HERPUD2: variants seen among roughly 807,000 people sequenced by gnomAD.
HERPUD2 encodes the protein HERPUD family member 2, also known as homocysteine-responsive endoplasmic reticulum-resident ubiquitin-like domain member 2 protein.
A neutral mutation model predicts 49.9 loss-of-function variants in HERPUD2; 13 were observed. That is an observed-to-expected ratio of 0.26 (90% confidence interval 0.17 to 0.41). HERPUD2 has a LOEUF of 0.41. Ranked by LOEUF, HERPUD2 falls within the 10% of genes least tolerant of loss-of-function variation. The pLI is 1.00. For synonymous variants in HERPUD2, 172 were observed against 171.4 expected (o/e 1.00, Z -0.03); for missense variants, 449 against 492.2 (o/e 0.91, Z 0.83).
chr7:35,657,394 C>T (rs892335572), intron 5 of HERPUD2, among the ~76,000 whole-genome samples: 9 of 152,130 alleles, frequency 5.9e-5, no homozygotes, highest in Non-Finnish European at 1.0e-4. Context: ...AAAGGGACCT[C>T]TTATACACTG....
At chr7:35,642,452 T>C (rs538337675) in intron 5 of HERPUD2, among the ~76,000 whole-genome samples, 16 of 152,300 alleles carry the variant, frequency 1.1e-4, no homozygotes, top group Non-Finnish European at 1.6e-4. Flanking sequence ...AGCAATTCCA[T>C]TACTGGGTAT....
chr7:35,642,795 C>T (rs1421441234), intron 5 of HERPUD2, among the ~76,000 whole-genome samples: 1 of 152,088 alleles, frequency 6.6e-6, no homozygotes, highest in African/African-American at 2.4e-5. Flanking sequence ...ACAGACACTT[C>T]AGCGTACTTG....
At chr7:35,669,385 CCT>C (rs1199888586) in intron 4 of HERPUD2, among the ~76,000 whole-genome samples, 1 of 152,158 alleles carries the variant, frequency 6.6e-6, no homozygotes, top group Non-Finnish European at 1.5e-5. Flanking sequence ...AGCTCCCACC[CCT>C]GTCACTTGTG....
chr7:35,673,614 G>A (rs1785689547), intron 2 of HERPUD2, among the ~76,000 whole-genome samples: 1 of 152,128 alleles, frequency 6.6e-6, no homozygotes, highest in Admixed American at 6.5e-5. Flanking sequence ...AAATCTTCAA[G>A]ACTATATAAA....
intron 5 of HERPUD2, among the ~76,000 whole-genome samples, chr7:35,656,462 A>T (rs1407967880): frequency 6.6e-6 from 1 of 152,134 alleles, no homozygotes; most frequent in African/African-American, 2.4e-5. Flanking sequence ...ATTAGAAAAA[A>T]AATCCTAAAA....
intron 2 of HERPUD2, among the ~76,000 whole-genome samples, chr7:35,688,667 G>A (rs1377283242): frequency 6.6e-6 from 1 of 152,228 alleles, no homozygotes; most frequent in Non-Finnish European, 1.5e-5. Flanking sequence ...TTTATCTACA[G>A]CCTTTAGACA....
intron 2 of HERPUD2, among the ~76,000 whole-genome samples, chr7:35,685,605 C>T (rs1786021843): frequency 6.6e-6 from 1 of 152,008 alleles, no homozygotes; most frequent in Non-Finnish European, 1.5e-5. Context: ...AGATTACAGG[C>T]ATGAGCCACT....
chr7:35,670,528 G>A (rs533273579), intron 3 of HERPUD2, among the ~76,000 whole-genome samples, 200 bp from the exon 4 acceptor site: 1 of 151,712 alleles, frequency 6.6e-6, no homozygotes, highest in African/African-American at 2.4e-5. Context: ...TCCATACTTG[G>A]AAAATGATCT....
chr7:35,638,470 T>A lies in HERPUD2; in HGVS notation c.497A>T (p.Asn166Ile), dbSNP rs1470004121. 6 of 1,611,826 alleles carry A rather than the reference T, an allele frequency of 3.7e-6. No homozygotes were observed. The South Asian group carries it at 6.6e-5, about 18-fold the overall frequency. Residue 166 changes from asparagine to isoleucine, a missense_variant and splice_region_variant, in exon 6 of 9, where the codon AAT (asparagine) becomes ATT (isoleucine). Transcript: ENST00000311350. ...SHQFPYVMQGNVDNQFPGQAA... is the reference protein window; with the variant it reads ...SHQFPYVMQGIVDNQFPGQAA... The stretch of plus-strand genomic sequence containing the variant: ...TTGCCCAGGAAATTGGTTGTCTACA[T>A]TTCTGCAAGAAATAAATAATGAGCT...
chr7:35,637,332 G>T (rs1784888682), intron 6 of HERPUD2, among the ~76,000 whole-genome samples: 1 of 152,118 alleles, frequency 6.6e-6, no homozygotes, highest in South Asian at 2.1e-4. Context: ...GTAGCATATG[G>T]GGAAGGACAA....
intron 2 of HERPUD2, among the ~76,000 whole-genome samples, chr7:35,675,594 T>C (rs1785744510): frequency 6.6e-6 from 1 of 152,134 alleles, no homozygotes; most frequent in Admixed American, 6.5e-5. Flanking sequence ...ATTTTTTTCC[T>C]TTATAAAAAT....
At chr7:35,675,769 A>T (rs556781432) in intron 2 of HERPUD2, among the ~76,000 whole-genome samples, 54 of 151,374 alleles carry the variant, frequency 3.6e-4, no homozygotes, top group Middle Eastern at 3.4e-3. Context: ...TCTTTTTTTT[A>T]AAAAAATGTA....
At chr7:35,692,795 T>G (rs1786221066) in intron 2 of HERPUD2, among the ~76,000 whole-genome samples, 3 of 152,206 alleles carry the variant, frequency 2.0e-5, no homozygotes. Flanking sequence ...TAACTAAACT[T>G]AATACTACAA....
At chr7:35,693,915 T>C (rs1786251991) in intron 2 of HERPUD2, among the ~76,000 whole-genome samples, 1 of 152,132 alleles carries the variant, frequency 6.6e-6, no homozygotes, top group Non-Finnish European at 1.5e-5. Flanking sequence ...GGATTACAGG[T>C]GTGAGCCACC....
chr7:35,665,822 C>A (rs1785526065), intron 5 of HERPUD2, among the ~76,000 whole-genome samples: 1 of 152,130 alleles, frequency 6.6e-6, no homozygotes, highest in African/African-American at 2.4e-5. Context: ...TTCTCAATAG[C>A]CTAGTTTAGA....
At chr7:35,684,306 C>T (rs768098896) in intron 2 of HERPUD2, among the ~76,000 whole-genome samples, 6 of 151,818 alleles carry the variant, frequency 4.0e-5, no homozygotes, top group Non-Finnish European at 7.4e-5. Flanking sequence ...AGGAGAATGG[C>T]GTGAACCCGG....
chr7:35,661,056 C>T (rs1562676699), intron 5 of HERPUD2, among the ~76,000 whole-genome samples: 3 of 152,040 alleles, frequency 2.0e-5, no homozygotes, highest in South Asian at 2.1e-4. Flanking sequence ...AATTTTTGTA[C>T]AAGGTGTAAG....
rs1377621185 is a variant in HERPUD2 at position 35,694,551 on chromosome 7, G to T, written c.-221C>A. The T allele has an allele frequency of 3.5e-6, 2 of 563,878 alleles. No individual in the cohort carries two copies. Among genetic ancestry groups the T allele is most frequent in the African/African-American group, 3.8e-5 (2 of 53,258 alleles). 34.9% of individuals were successfully genotyped at this position (563,878 alleles called of 1,614,324 possible). A position where few individuals can be genotyped will look rare whatever the true frequency, so the allele number is the denominator to read the frequency against. ...GACGGTGGGGTCTGGGTGCCCGGCC[G>T]TGGAGGCAGCTCTCCCCGCCAGGTC... On this transcript the variant is annotated 5_prime_UTR_variant, in exon 2 of 9. Coordinates refer to ENST00000311350, the MANE Select transcript of HERPUD2 (RefSeq NM_022373.5).
intron 5 of HERPUD2, among the ~76,000 whole-genome samples, chr7:35,657,725 C>T (rs1410657778): frequency 2.0e-5 from 3 of 149,704 alleles, no homozygotes; most frequent in Admixed American, 6.7e-5. Flanking sequence ...CTGGCTAACA[C>T]TGTGAAACCC....
Sources: allele counts gnomAD v4.1 joint callset (sites outside exome capture counted in the v4.1 genomes callset), GRCh38; gene constraint gnomAD v4.1.1; transcripts MANE v1.5; gene names NCBI Gene and HGNC (gene_info 2026-07-23, HGNC 2026-07-21).